NBEA: variants seen among roughly 807,000 people sequenced by gnomAD.
The protein encoded by NBEA is lysosomal-trafficking regulator 2.
A neutral mutation model predicts 343.4 loss-of-function variants in NBEA; 44 were observed. The ratio of observed to expected loss-of-function variants is 0.13; its 90% CI spans 0.10 to 0.16. The LOEUF (loss-of-function observed/expected upper bound fraction) is 0.16. NBEA is among the 10% of genes least tolerant of loss of function. The probability of loss-of-function intolerance (pLI) is 1.00; values close to 1 mark genes in which losing one functional copy is unlikely to be tolerated. For synonymous variants in NBEA, 1,175 were observed against 1,238.7 expected (o/e 0.95, Z 1.08); for missense variants, 2,555 against 3,631.3 (o/e 0.70, Z 7.62).
chr13:35,647,707 C>T (rs1009838168), intron 51 of NBEA, among the ~76,000 whole-genome samples: 22 of 152,152 alleles, frequency 1.4e-4, no homozygotes, highest in African/African-American at 4.3e-4. Flanking sequence ...GCCGGGATTA[C>T]AGGTGTGCGC....
chr13:35,314,964 C>A (rs549748006), intron 36 of NBEA, among the ~76,000 whole-genome samples: 1 of 152,088 alleles, frequency 6.6e-6, no homozygotes, highest in Non-Finnish European at 1.5e-5. Flanking sequence ...GTAAAAAGCC[C>A]AAAATTACTA....
chr13:35,645,294 T>A (rs181952339), intron 49 of NBEA, among the ~76,000 whole-genome samples: 1 of 152,206 alleles, frequency 6.6e-6, no homozygotes, highest in Admixed American at 6.5e-5. Flanking sequence ...AGAGTAATGA[T>A]CATAGTAAAT....
intron 38 of NBEA, among the ~76,000 whole-genome samples, chr13:35,396,240 T>C (rs1045344148): frequency 6.6e-6 from 1 of 152,064 alleles, no homozygotes; most frequent in African/African-American, 2.4e-5. Context: ...CCAATTAGAA[T>C]GTTTAGTTTA....
intron 34 of NBEA, among the ~76,000 whole-genome samples, chr13:35,249,533 T>C (rs1040276653): frequency 2.6e-5 from 4 of 152,084 alleles, no homozygotes; most frequent in African/African-American, 7.2e-5. Flanking sequence ...AGAAGAAACC[T>C]TACACCTATT....
rs770632134 is a variant in NBEA at position 35,161,807 on chromosome 13, T to C, written c.3919T>C (p.Phe1307Leu). 6.2e-7 allele frequency: 1 copy of C among 1,612,356 alleles called. No homozygotes were observed. Among genetic ancestry groups the C allele is most frequent in the Non-Finnish European group, 8.5e-7 (1 of 1,179,352 alleles). Residue 1307 changes from phenylalanine to leucine, a missense_variant, in exon 23 of 59, where the codon TTT becomes CTT. Physicochemically the swap from Phe to Leu is conservative, Grantham distance 22 (BLOSUM62 0). This residue lies in a region of NBEA where 367 missense variants were observed against 377.5 expected (regional missense o/e 0.97). Transcript: ENST00000379939. ...CCGAGATCTCCGAGTTGATTTAGGA[T>C]TTCGAGGAATGCCAATGACTGAGGA... is the stretch of plus-strand genomic sequence containing the variant. ...QDRDLRVDLGFRGMPMTEEQR... is the reference protein window; with the variant it reads ...QDRDLRVDLGLRGMPMTEEQR...
Position 35,155,814 on chromosome 13 carries a change from C to T in NBEA, c.2486C>T (p.Pro829Leu). Reference protein sequence around the residue: ...EQVCTQVVHKPHPEPDSTVKI... With the variant: ...EQVCTQVVHKLHPEPDSTVKI... Reference sequence around the variant, plus strand: ...GTATGTACTCAGGTCGTACACAAACCACATCCAGAGCCAGATTCTACAGTG... The same window carrying T: ...GTATGTACTCAGGTCGTACACAAACTACATCCAGAGCCAGATTCTACAGTG... Residue 829 changes from proline (P) to leucine (L), a missense_variant, in exon 19 of 59, where the codon CCA (proline) becomes CTA (leucine). By Grantham distance (98) the Pro-to-Leu change is moderately conservative. This residue lies in a region of NBEA where 360 missense variants were observed against 519.1 expected (regional missense o/e 0.69). Coordinates refer to ENST00000379939, the MANE Select transcript of NBEA (RefSeq NM_001385012.1). The T allele has an allele frequency of 6.2e-7, 1 of 1,612,656 alleles. No homozygotes were observed. The highest frequency in any genetic ancestry group is 1.1e-5 in the South Asian group (1 of 91,050).
intron 10 of NBEA, among the ~76,000 whole-genome samples, chr13:35,090,114 G>A (rs1343884074): frequency 6.6e-6 from 1 of 151,522 alleles, no homozygotes; most frequent in Non-Finnish European, 1.5e-5. Context: ...ATTAGTCAGT[G>A]TAGGTTATAT....
At chr13:34,974,313 G>C in intron 1 of NBEA, among the ~76,000 whole-genome samples, 1 of 152,040 alleles carries the variant, frequency 6.6e-6, no homozygotes, top group South Asian at 2.1e-4. Flanking sequence ...TGGCCATCTT[G>C]GCCCAAATCC....
intron 39 of NBEA, among the ~76,000 whole-genome samples, chr13:35,450,221 T>C (rs2046238208): frequency 1.3e-5 from 2 of 151,752 alleles, no homozygotes; most frequent in South Asian, 4.2e-4. Context: ...ATGCGTATAA[T>C]CCCAGCACTT....
intron 18 of NBEA, among the ~76,000 whole-genome samples, chr13:35,146,053 G>A (rs1434982253): frequency 6.6e-6 from 1 of 152,142 alleles, no homozygotes; most frequent in Non-Finnish European, 1.5e-5. Context: ...TTTCCCAGGA[G>A]TTTCTTGGTC....
intron 28 of NBEA, chr13:35,179,648 C>A: frequency 3.0e-6 from 1 of 337,864 alleles, no homozygotes; most frequent in Non-Finnish European, 4.2e-6. Flanking sequence ...ACAGCGCTGC[C>A]ACTGTGTAGT....
intron 34 of NBEA, among the ~76,000 whole-genome samples, chr13:35,247,880 GA>G (rs969811770): frequency 6.4e-4 from 96 of 149,468 alleles, no homozygotes; most frequent in African/African-American, 2.1e-3. Context: ...TTGATTTAGG[GA>G]AAAAAAAAGA....
At chr13:35,618,478 T>C (rs2082837947) in intron 48 of NBEA, among the ~76,000 whole-genome samples, 1 of 152,202 alleles carries the variant, frequency 6.6e-6, no homozygotes, top group Non-Finnish European at 1.5e-5. Context: ...ATAACATGTA[T>C]GTAATTGGTT....
rs561532822 is a variant in NBEA at position 35,074,634 on chromosome 13, T to C, written c.1571+3782T>C. 2.6e-5 allele frequency among the ~76,000 whole-genome samples: 4 copies of C among 152,274 alleles called. No homozygotes were observed. The South Asian group carries it at 8.3e-4, about 32-fold the overall frequency. On this transcript the variant is annotated intron_variant, in intron 10 of 58. Transcript: ENST00000379939. The stretch of plus-strand genomic sequence containing the variant: ...TGGGATATTCATGGGTGTGTAGTAG[T>C]GGTACATGGCATTTATTGAATACAT...
intron 34 of NBEA, among the ~76,000 whole-genome samples, chr13:35,254,149 T>C (rs1405400957): frequency 1.3e-5 from 2 of 151,980 alleles, no homozygotes; most frequent in Admixed American, 6.6e-5. Flanking sequence ...GGGGAAACTA[T>C]TATAATAATA....
At chr13:35,533,366 T>G (rs2078360647) in intron 41 of NBEA, among the ~76,000 whole-genome samples, 1 of 152,082 alleles carries the variant, frequency 6.6e-6, no homozygotes, top group Non-Finnish European at 1.5e-5. Flanking sequence ...AATAGTATGG[T>G]TTGTCTCATG....
At chr13:35,226,525 A>G (rs1211547449) in intron 33 of NBEA, among the ~76,000 whole-genome samples, 2 of 152,104 alleles carry the variant, frequency 1.3e-5, no homozygotes, top group African/African-American at 4.8e-5. Flanking sequence ...TTCCTGTCAA[A>G]TATTTAAGAT....
At chr13:35,191,245 G>T (rs900892959) in intron 30 of NBEA, among the ~76,000 whole-genome samples, 24 of 151,940 alleles carry the variant, frequency 1.6e-4, no homozygotes, top group African/African-American at 5.8e-4. Context: ...AGAAATATTG[G>T]CCTGAAAACT....
At chr13:35,384,589 G>A (rs1394225721) in intron 38 of NBEA, among the ~76,000 whole-genome samples, 1 of 148,098 alleles carries the variant, frequency 6.8e-6, no homozygotes, top group African/African-American at 2.5e-5. Flanking sequence ...GCAGTGGTGC[G>A]ATCTTGGCTC....
Sources: gnomAD v4.1 joint callset for allele counts (sites outside exome capture counted in the v4.1 genomes callset) on GRCh38, gnomAD v4.1.1 for gene constraint, gnomAD v4.1.1 regional missense constraint, MANE v1.5 for transcripts, NCBI Gene and HGNC (gene_info 2026-07-23, HGNC 2026-07-21) for gene names.